POLR1C: variants seen among roughly 807,000 people sequenced by gnomAD.
The protein encoded by POLR1C is RNA polymerase I and III subunit C.
A neutral mutation model predicts 38.3 loss-of-function variants in POLR1C; 42 were observed. The ratio of observed to expected loss-of-function variants is 1.10; its 90% CI spans 0.86 to 1.42. The LOEUF (loss-of-function observed/expected upper bound fraction) is 1.42, where lower values mean the gene tolerates loss of function less well. POLR1C is among the 40% of genes most tolerant of loss of function. The pLI is 0.00. For missense variants in POLR1C, 507 were observed against 450.5 expected, an observed-to-expected ratio of 1.13 and a Z score of -1.14; for synonymous variants, 163 against 163.9, an observed-to-expected ratio of 0.99 and a Z score of 0.04.
In POLR1C at chr6:43,519,329, C is replaced by G; in HGVS notation, c.142-4C>G. On this transcript the variant is annotated splice_region_variant and splice_polypyrimidine_tract_variant and intron_variant, in intron 2 of 8. Coordinates refer to ENST00000642195, the MANE Select transcript of POLR1C (RefSeq NM_203290.4). ...CACTTAAATGTTTTTTCCTGTCCCT[C>G]TAGAATTTCCGTGTGGATGTAGTAC... 1.9e-6 allele frequency: 3 copies of G among 1,584,190 alleles called. No individual in the cohort carries two copies. The highest frequency in any genetic ancestry group is 2.2e-5 in the East Asian group (1 of 44,746).
In POLR1C at chr6:43,554,422, C is replaced by CT. The variant is rs753397086; in HGVS notation, c.*48+3425dup. Among the ~76,000 whole-genome samples, 1,088 of 136,778 alleles carry CT rather than the reference C, an allele frequency of 8.0e-3. 13 individuals carry two copies. Among genetic ancestry groups the CT allele is most frequent in the Admixed American group, 0.012 (169 of 13,526 alleles). The allele number at this position is 136,778 out of a possible 152,430, so 89.7% of individuals were successfully genotyped here. ...CACTGTGCCCAGCCGCTTTTCTTTT[C>CT]TTTTTTTTTTTTTTCTTTTTTGAGA... On this transcript the variant is annotated intron_variant, in intron 10 of 10. Transcript: ENST00000607635.
intron 8 of POLR1C, chr6:43,526,642 G>C (rs1417184444): frequency 5.0e-6 from 8 of 1,608,270 alleles, no homozygotes; most frequent in Non-Finnish European, 6.8e-6. Context: ...ACAGTATTTA[G>C]GAGGCTAAGA....
At chr6:43,526,179 T>C (rs1320590414), downstream of POLR1C, 1 of 483,742 alleles carries the variant, frequency 2.1e-6, no homozygotes, top group Non-Finnish European at 3.7e-6. Context: ...GAAGTTACTT[T>C]GTTGTTGGAC....
intron 10 of POLR1C, chr6:43,555,739 A>G (rs1762046410): frequency 6.8e-7 from 1 of 1,467,322 alleles, no homozygotes; most frequent in Non-Finnish European, 9.2e-7. Context: ...GTATAAGTAT[A>G]TCGTTCTGAT....
chr6:43,536,138 G>C (rs1269011431), intron 9 of POLR1C, among the ~76,000 whole-genome samples: 1 of 151,058 alleles, frequency 6.6e-6, no homozygotes, highest in Non-Finnish European at 1.5e-5. Flanking sequence ...ACCCTGGCCA[G>C]GCACAGTGAC....
At position 43,536,715 on chromosome 6, in the gene POLR1C, G is replaced by A. The variant is rs141993005; in HGVS notation, c.*4+7356G>A. 4.6e-3 allele frequency among the ~76,000 whole-genome samples: 599 copies of A among 129,568 alleles called. 1 individual carries two copies. The highest frequency in any genetic ancestry group is 0.017 in the African/African-American group (547 of 32,894). The allele number at this position is 129,568 out of a possible 152,430, so 85.0% of individuals were successfully genotyped here. On this transcript the variant is annotated intron_variant, in intron 9 of 10. Transcript: ENST00000607635. ...GCAGAGGTTGCAGTGAGCCAAGGTC[G>A]CGCCACTGCACTCCAGCCTGGACGA...
At chr6:43,523,783 C>A (rs753561416), downstream of POLR1C, 92 of 1,602,878 alleles carry the variant, frequency 5.7e-5, no homozygotes, top group Non-Finnish European at 7.3e-5. Flanking sequence ...AGTGAGGTGG[C>A]AGTGCAAGAA....
chr6:43,528,795 C>T (rs534453356), intron 8 of POLR1C: 11 of 1,598,572 alleles, frequency 6.9e-6, no homozygotes, highest in South Asian at 6.7e-5. Flanking sequence ...CTTAATAGTA[C>T]TCTTTGCTTC....
intron 9 of POLR1C, chr6:43,539,575 G>GC (rs1794569566): frequency 7.3e-7 from 1 of 1,361,706 alleles, no homozygotes; most frequent in African/African-American, 1.4e-5. Flanking sequence ...CTCAGCCCCG[G>GC]CCCGGTCCAC....
chr6:43,557,860 C>CT (rs1762186041), intron 10 of POLR1C, among the ~76,000 whole-genome samples: 4 of 147,506 alleles, frequency 2.7e-5, no homozygotes, highest in Admixed American at 2.7e-4. Context: ...CTTTGGGAGA[C>CT]TGAGGCGGGC....
chr6:43,527,980 TCA>T (rs745664595), intron 8 of POLR1C, among the ~76,000 whole-genome samples: 1 of 152,216 alleles, frequency 6.6e-6, no homozygotes, highest in Non-Finnish European at 1.5e-5. Flanking sequence ...AGGCTGGATC[TCA>T]GAGTCTGCCT....
At chr6:43,554,280 A>ATT (rs886875201) in intron 10 of POLR1C, among the ~76,000 whole-genome samples, 1 of 142,028 alleles carries the variant, frequency 7.0e-6, no homozygotes, top group Non-Finnish European at 1.6e-5. Flanking sequence ...TAATTTTTGT[A>ATT]TTTTTTTTTT....
rs537994727 is a variant in POLR1C at position 43,536,548 on chromosome 6, G to A, written c.*4+7189G>A. Reference sequence around the variant, plus strand: ...CCGAGGTGGGTGGATCACGAGGTCAGGAGTTCAAGACCAGTCTCTGGCCAA... The same window carrying A: ...CCGAGGTGGGTGGATCACGAGGTCAAGAGTTCAAGACCAGTCTCTGGCCAA... On this transcript the variant is annotated intron_variant, in intron 9 of 10. Transcript: ENST00000607635. Among the ~76,000 whole-genome samples the A allele has an allele frequency of 2.6e-5, 4 of 151,464 alleles. No homozygotes were observed. In the East Asian group the frequency reaches 7.8e-4, roughly 30 times the overall value.
chr6:43,538,139 C>CTTTTTTTTTTTT (rs1160662301), intron 9 of POLR1C, among the ~76,000 whole-genome samples: 4 of 48,920 alleles, frequency 8.2e-5, no homozygotes, highest in African/African-American at 3.3e-4. Context: ...TAAGAGACAT[C>CTTTTTTTTTTTT]TTTTTTTTTT....
exon 11 of POLR1C, chr6:43,562,298 C>T: frequency 1.9e-6 from 3 of 1,609,956 alleles, no homozygotes; most frequent in Non-Finnish European, 2.5e-6. Context: ...GACAGAGCCT[C>T]TTCAGAAAGA....
chr6:43,520,343 C>G lies in POLR1C; in HGVS notation c.571C>G (p.Arg191Gly). 6.2e-7 allele frequency: 1 copy of G among 1,613,512 alleles called. No homozygotes were observed. The highest frequency in any genetic ancestry group is 8.5e-7 in the Non-Finnish European group (1 of 1,180,028). ...QADLFPEGTI[R>G]PVHDDILIAQ... ...TGATCTCTTTCCAGAGGGCACTATC[C>G]GACCAGTGCATGATGATATCCTCAT... is the stretch of plus-strand genomic sequence containing the variant. Residue 191 changes from arginine to glycine, a missense_variant, in exon 6 of 9, where the codon CGA becomes GGA. Physicochemically the swap from Arg to Gly is moderately radical, Grantham distance 125 (BLOSUM62 -2). Coordinates refer to ENST00000642195, the MANE Select transcript of POLR1C (RefSeq NM_203290.4).
At chr6:43,549,018 T>A (rs1795100676) in intron 9 of POLR1C, among the ~76,000 whole-genome samples, 1 of 152,164 alleles carries the variant, frequency 6.6e-6, no homozygotes, top group East Asian at 1.9e-4. Flanking sequence ...GCCATCACAT[T>A]TCTAACTATA....
At chr6:43,525,531 A>T (rs868372514), downstream of POLR1C, 12 of 506,616 alleles carry the variant, frequency 2.4e-5, no homozygotes, top group African/African-American at 2.1e-4. Flanking sequence ...AAAAAATCAA[A>T]ATGTGAGAAA....
intron 9 of POLR1C, chr6:43,539,531 T>G: frequency 6.7e-7 from 1 of 1,503,652 alleles, no homozygotes; most frequent in Non-Finnish European, 9.1e-7. Flanking sequence ...CATCCACTCC[T>G]TATCTTTGGC....
Sources: gnomAD v4.1 joint callset for allele counts (sites outside exome capture counted in the v4.1 genomes callset) on GRCh38, gnomAD v4.1.1 for gene constraint, MANE v1.5 for transcripts, NCBI Gene and HGNC (gene_info 2026-07-23, HGNC 2026-07-21) for gene names.